The following STRN3 variants were observed in gnomAD, a reference collection of about 807,000 sequenced individuals.
The protein encoded by STRN3 is striatin 3, also known as striatin-3.
A neutral mutation model predicts 95.6 loss-of-function variants in STRN3; 29 were observed. The observed-to-expected ratio is 0.30, with a 90% CI of 0.23 to 0.41. The LOEUF is 0.41. Ranked by LOEUF, STRN3 falls within the 10% of genes least tolerant of loss-of-function variation. STRN3 has a pLI of 1.00. For missense variants in STRN3, 890 were observed against 972.1 expected (o/e 0.92, Z 1.12); for synonymous variants, 331 against 357.6 (o/e 0.93, Z 0.84).
chr14:30,964,532 C>T, intron 1 of STRN3: 1 of 163,956 alleles, frequency 6.1e-6, no homozygotes, highest in Non-Finnish European at 1.4e-5. Context: ...GATCCACATG[C>T]ATGTGGCAGC....
intron 10 of STRN3, 110 bp downstream of exon 10, chr14:30,913,412 CAA>C: frequency 8.5e-7 from 1 of 1,182,816 alleles, no homozygotes; most frequent in Non-Finnish European, 1.1e-6. Flanking sequence ...CACATTGACA[CAA>C]ACTTATCTTT....
chr14:30,894,714 A>G lies in STRN3; in HGVS notation c.*697T>C. On this transcript the variant is annotated 3_prime_UTR_variant, in exon 18 of 18. Coordinates refer to ENST00000357479, the MANE Select transcript of STRN3 (RefSeq NM_001083893.2). ...CAAAAGAAGGAAAGAAAGTGGTTAC[A>G]GGGCAACGGGTCAGTGAGATCTCTG... 5.7e-6 allele frequency: 1 copy of G among 176,668 alleles called. No homozygotes were observed. The highest frequency in any genetic ancestry group is 1.2e-5 in the Non-Finnish European group (1 of 83,736). The allele number at this position is 176,668 out of a possible 1,614,324, so 10.9% of individuals were successfully genotyped here. A position where few individuals can be genotyped will look rare whatever the true frequency, so the allele number is the denominator to read the frequency against.
At chr14:30,901,890 G>C (rs991817360) in intron 16 of STRN3, among the ~76,000 whole-genome samples, 12 of 151,890 alleles carry the variant, frequency 7.9e-5, no homozygotes, top group African/African-American at 2.9e-4. Flanking sequence ...TTGGACGACC[G>C]GGCGCGGTGG....
intron 1 of STRN3, among the ~76,000 whole-genome samples, chr14:30,971,828 A>G (rs1025034630): frequency 2.6e-5 from 4 of 152,160 alleles, no homozygotes; most frequent in African/African-American, 9.7e-5. Flanking sequence ...CCTTGCAGCC[A>G]TAATAGGTGT....
intron 8 of STRN3, among the ~76,000 whole-genome samples, chr14:30,921,956 G>C (rs1387426858): frequency 6.6e-6 from 1 of 152,026 alleles, no homozygotes. Flanking sequence ...CTACAGCCTT[G>C]ATCTCCTTGG....
chr14:30,951,417 A>T (rs575165317), intron 3 of STRN3, among the ~76,000 whole-genome samples: 3 of 152,170 alleles, frequency 2.0e-5, no homozygotes, highest in African/African-American at 7.2e-5. Context: ...TATTTTGAAG[A>T]GATGAGGTTT....
At chr14:30,997,577 G>A (rs577450572) in intron 1 of STRN3, among the ~76,000 whole-genome samples, 1 of 152,260 alleles carries the variant, frequency 6.6e-6, no homozygotes, top group Admixed American at 6.5e-5. Flanking sequence ...CCTGTCTTCA[G>A]CCTCCTGACC....
intron 16 of STRN3, among the ~76,000 whole-genome samples, chr14:30,898,719 G>C (rs4981083): frequency 0.056 from 8,594 of 152,144 alleles, 438 homozygotes; most frequent in East Asian, 0.21. Context: ...TTTTGGCCTC[G>C]TGCTTCTGCT....
In STRN3 at chr14:31,026,037, C is replaced by G. The variant is rs1358900789; in HGVS notation, c.149G>C (p.Gly50Ala). The G allele has an allele frequency of 5.9e-6, 9 of 1,537,234 alleles. No individual in the cohort carries two copies. The African/African-American group carries it at 7.0e-5, about 12-fold the overall frequency. ...GGGPPASEGA[G>A]PAAGPELSRP... ...GGACAGCTCGGGGCCTGCCGCGGGA[C>G]CCGCTCCCTCGGAGGCCGGAGGACC... The change falls in exon 1 of 18, where the codon GGT becomes GCT. Residue 50 changes from glycine to alanine, a missense_variant. Physicochemically the swap from Gly to Ala is moderately conservative, Grantham distance 60. This residue lies in a region of STRN3 where 526 missense variants were observed against 526.3 expected (regional missense o/e 1.00). Transcript: ENST00000357479.
chr14:30,974,076 C>G (rs1459697788), intron 1 of STRN3, among the ~76,000 whole-genome samples: 1 of 152,140 alleles, frequency 6.6e-6, no homozygotes, highest in African/African-American at 2.4e-5. Flanking sequence ...TTTCACACTT[C>G]TATTCAATAT....
chr14:31,003,796 T>TA (rs35951887), intron 1 of STRN3, among the ~76,000 whole-genome samples: 18,042 of 115,264 alleles, frequency 0.16, 1,434 homozygotes, highest in Middle Eastern at 0.25. Flanking sequence ...ACATCTTTCT[T>TA]AAAAAAAAAA....
chr14:30,907,958 G>T (rs1018615690), intron 13 of STRN3, among the ~76,000 whole-genome samples: 5 of 151,994 alleles, frequency 3.3e-5, no homozygotes, highest in Non-Finnish European at 7.4e-5. Context: ...GAATGACTAT[G>T]CCTCATATTT....
intron 8 of STRN3, among the ~76,000 whole-genome samples, chr14:30,926,708 T>G (rs895995348): frequency 2.6e-5 from 4 of 152,064 alleles, no homozygotes; most frequent in Admixed American, 1.3e-4. Context: ...AAATTCATTT[T>G]TTTGAAAAAA....
intron 14 of STRN3, 33 bp from the exon 15 acceptor site, chr14:30,905,591 A>G (rs1896440723): frequency 6.4e-7 from 1 of 1,558,902 alleles, no homozygotes; most frequent in East Asian, 2.3e-5. Context: ...CAATGTAAAC[A>G]AAGTAAAATT....
intron 1 of STRN3, among the ~76,000 whole-genome samples, chr14:31,003,150 T>C (rs939972493): frequency 6.6e-6 from 1 of 150,812 alleles, no homozygotes; most frequent in African/African-American, 2.4e-5. Flanking sequence ...TAATCCCAGC[T>C]ACTCGGGAGG....
chr14:31,013,179 T>G (rs1039314539), intron 1 of STRN3, among the ~76,000 whole-genome samples: 1 of 151,714 alleles, frequency 6.6e-6, no homozygotes, highest in East Asian at 1.9e-4. Context: ...GGTGGGAGGA[T>G]AACACAGGGA....
chr14:30,972,198 T>C (rs1880866185), intron 1 of STRN3, among the ~76,000 whole-genome samples: 1 of 152,220 alleles, frequency 6.6e-6, no homozygotes, highest in South Asian at 2.1e-4. Context: ...TACTCCACCC[T>C]GACTCACCTG....
At chr14:30,910,001 A>C (rs1488845462) in intron 13 of STRN3, among the ~76,000 whole-genome samples, 1 of 152,168 alleles carries the variant, frequency 6.6e-6, no homozygotes, top group East Asian at 1.9e-4. Context: ...TTTGTCACCT[A>C]GTTTACTGGA....
intron 5 of STRN3, among the ~76,000 whole-genome samples, chr14:30,938,744 G>A (rs1878948459): frequency 1.3e-5 from 2 of 152,024 alleles, no homozygotes; most frequent in Admixed American, 1.3e-4. Context: ...CTTGTGTCAA[G>A]GGGTATATAA....
Sources: allele counts gnomAD v4.1 joint callset (sites outside exome capture counted in the v4.1 genomes callset), GRCh38; gene constraint gnomAD v4.1.1; regional missense constraint gnomAD v4.1.1; transcripts MANE v1.5; gene names NCBI Gene and HGNC (gene_info 2026-07-23, HGNC 2026-07-21).